XYLT1: variants seen among roughly 807,000 people sequenced by gnomAD.
XYLT1 encodes the protein xylosyltransferase 1.
In XYLT1, 36 loss-of-function variants were observed where a neutral mutation model predicts 91.3. That is an observed-to-expected ratio of 0.39 (90% CI 0.30 to 0.52). The LOEUF (loss-of-function observed/expected upper bound fraction) is 0.52, where lower values mean the gene tolerates loss of function less well. XYLT1 is among the 20% of genes least tolerant of loss of function. The pLI is 0.68. For synonymous variants in XYLT1, 588 were observed against 532.0 expected (o/e 1.11, Z -1.45); for missense variants, 1,242 against 1,284.5 (o/e 0.97, Z 0.51).
chr16:17,434,639 T>C (rs1204072289), intron 1 of XYLT1, among the ~76,000 whole-genome samples: 1 of 152,098 alleles, frequency 6.6e-6, no homozygotes, highest in Non-Finnish European at 1.5e-5. Flanking sequence ...GAAGGATCAC[T>C]TGAGGCCAGG....
chr16:17,123,952 C>T (rs1439581468), intron 10 of XYLT1, among the ~76,000 whole-genome samples: 2 of 152,148 alleles, frequency 1.3e-5, no homozygotes, highest in East Asian at 3.8e-4. Flanking sequence ...AGAATTGCTA[C>T]TCCTGCTCAC....
At chr16:17,315,193 C>T (rs925202127) in intron 2 of XYLT1, among the ~76,000 whole-genome samples, 2 of 152,230 alleles carry the variant, frequency 1.3e-5, no homozygotes, top group Non-Finnish European at 2.9e-5. Flanking sequence ...CTAGGACTGA[C>T]TTACAAAGCT....
rs773224636 is a variant in XYLT1, at chr16:17,259,285, G to A, written c.616C>T (p.His206Tyr). The change falls in exon 3 of 12, where the codon CAT (histidine) becomes TAT (tyrosine). Residue 206 changes from histidine to tyrosine, a missense_variant. His to Tyr is a moderately conservative substitution (Grantham distance 83). Around this residue, in one of 3 missense-constraint regions of XYLT1, gnomAD observed 437 missense variants for 411.5 expected, o/e 1.06. Transcript: ENST00000261381. ...KLEQQEKGKG[H>Y]TFPGKGPGEV... ...CCGGGGCCTTTCCCAGGGAATGTAT[G>A]TCCTTTTCCTTTCTCCTGCTGTTCC... 5.0e-6 allele frequency: 8 copies of A among 1,613,982 alleles called. No homozygotes were observed. The highest frequency in any genetic ancestry group is 6.8e-6 in the Non-Finnish European group (8 of 1,180,022).
chr16:17,109,746 C>G (rs554711763), intron 11 of XYLT1, among the ~76,000 whole-genome samples: 1 of 152,198 alleles, frequency 6.6e-6, no homozygotes, highest in African/African-American at 2.4e-5. Flanking sequence ...GAAAATATAT[C>G]TAGCCCTTTA....
Position 17,265,615 on chromosome 16 carries a change from G to T in XYLT1, c.403-6117C>A, listed in dbSNP as rs148299230. 5.6e-3 allele frequency among the ~76,000 whole-genome samples: 853 copies of T among 152,264 alleles called. 6 individuals carry two copies. The Middle Eastern group carries it at 0.058, about 10-fold the overall frequency. On this transcript the variant is annotated intron_variant, in intron 2 of 11. Coordinates refer to ENST00000261381, the MANE Select transcript of XYLT1 (RefSeq NM_022166.4). ...TGGAGAAATAATTAAATGCAATAAT[G>T]TCCTCCATTCCCATTCAACCTTGGG...
At chr16:17,179,241 G>A (rs2032012411) in intron 5 of XYLT1, among the ~76,000 whole-genome samples, 1 of 152,108 alleles carries the variant, frequency 6.6e-6, no homozygotes, top group Admixed American at 6.5e-5. Flanking sequence ...CCTTGAGGAG[G>A]CAGGGAGGGT....
intron 1 of XYLT1, among the ~76,000 whole-genome samples, chr16:17,362,880 A>C (rs2035402849): frequency 6.6e-6 from 1 of 152,246 alleles, no homozygotes; most frequent in Non-Finnish European, 1.5e-5. Context: ...CGTGAAGCCC[A>C]CCAAATCAAC....
At chr16:17,173,554 A>T (rs934519991) in intron 5 of XYLT1, among the ~76,000 whole-genome samples, 5 of 152,266 alleles carry the variant, frequency 3.3e-5, no homozygotes, top group Non-Finnish European at 7.3e-5. Flanking sequence ...GGCTAGCGCC[A>T]TGTCTGGCAT....
At position 17,108,770 on chromosome 16, in the gene XYLT1, C is replaced by G. The variant is rs1966813047; in HGVS notation, c.2805G>C (p.Gln935His). The change falls in exon 12 of 12, where the codon CAG becomes CAC. Residue 935 changes from glutamine (Q) to histidine (H), a missense_variant. This residue lies in a region of XYLT1 where 511 missense variants were observed against 497.0 expected (regional missense o/e 1.03). Transcript: ENST00000261381. ...CAGGGCTGAAGGAGCTCCAGGCCGT[C>G]TGGCTGCAGGTCTGCATGACCGGGC... ...TACPVMQTCSQTAWSSFSPDP... is the reference protein window; with the variant it reads ...TACPVMQTCSHTAWSSFSPDP... 6.2e-7 allele frequency: 1 copy of G among 1,609,260 alleles called. No homozygotes were observed. The highest frequency in any genetic ancestry group is 8.5e-7 in the Non-Finnish European group (1 of 1,179,300).
chr16:17,220,193 T>C (rs1214550456), intron 3 of XYLT1, among the ~76,000 whole-genome samples: 1 of 152,192 alleles, frequency 6.6e-6, no homozygotes, highest in Non-Finnish European at 1.5e-5. Context: ...ACACATGTAA[T>C]GTTAATTTCA....
At chr16:17,112,999 C>T (rs1391743334) in intron 11 of XYLT1, among the ~76,000 whole-genome samples, 1 of 151,634 alleles carries the variant, frequency 6.6e-6, no homozygotes, top group Non-Finnish European at 1.5e-5. Flanking sequence ...GTCACCACAC[C>T]CGGCTAATTT....
intron 8 of XYLT1, chr16:17,137,522 G>A (rs1597145114): frequency 6.6e-6 from 1 of 152,316 alleles, no homozygotes; most frequent in African/African-American, 2.4e-5. Context: ...CTAGGTGTGG[G>A]GAGGGCTGGA....
chr16:17,384,368 C>T (rs2035721229), intron 1 of XYLT1, among the ~76,000 whole-genome samples: 2 of 151,712 alleles, frequency 1.3e-5, no homozygotes, highest in African/African-American at 2.4e-5. Flanking sequence ...TGGCCAGACC[C>T]GGTTTTCAGG....
At position 17,115,312 on chromosome 16, in the gene XYLT1, TAA is replaced by T. The variant is rs869095502; in HGVS notation, c.2557+2332_2557+2333del. Among the ~76,000 whole-genome samples, 317 of 48,834 alleles carry T rather than the reference TAA, an allele frequency of 6.5e-3. 5 individuals carry two copies. The highest frequency in any genetic ancestry group is 0.017 in the African/African-American group (258 of 14,916). The allele number at this position is 48,834 out of a possible 152,430, so 32.0% of individuals were successfully genotyped here. On this transcript the variant is annotated intron_variant, in intron 11 of 11. Transcript: ENST00000261381. ...CAGACCACACAACCACAAAAATAGT[TAA>T]AAAAAAAAAAAAAAAAAAAAAAAGC...
chr16:17,376,405 AC>A (rs1421104100), intron 1 of XYLT1, among the ~76,000 whole-genome samples: 2 of 152,080 alleles, frequency 1.3e-5, no homozygotes, highest in Non-Finnish European at 2.9e-5. Context: ...GTCCTTCCAG[AC>A]CCTTCCTCAG....
intron 5 of XYLT1, among the ~76,000 whole-genome samples, chr16:17,161,353 C>A (rs2031545733): frequency 6.6e-6 from 1 of 152,166 alleles, no homozygotes; most frequent in African/African-American, 2.4e-5. Context: ...TTGGGCAAAG[C>A]CGCCTTTCAA....
At chr16:17,275,359 G>T (rs949637975) in intron 2 of XYLT1, among the ~76,000 whole-genome samples, 1 of 152,132 alleles carries the variant, frequency 6.6e-6, no homozygotes. Context: ...TAACAACTAC[G>T]CTTGGCTCAG....
At chr16:17,314,055 A>C (rs2034589876) in intron 2 of XYLT1, among the ~76,000 whole-genome samples, 1 of 152,162 alleles carries the variant, frequency 6.6e-6, no homozygotes, top group African/African-American at 2.4e-5. Flanking sequence ...AGAACATTAG[A>C]ACTCAATTGT....
intron 2 of XYLT1, 25 bp downstream of exon 2, chr16:17,357,987 T>C: frequency 1.2e-6 from 2 of 1,612,410 alleles, no homozygotes; most frequent in Non-Finnish European, 1.7e-6. Context: ...CTGAGATAAG[T>C]GGCCAAGACA....
Sources: gnomAD v4.1 joint callset for allele counts (sites outside exome capture counted in the v4.1 genomes callset) on GRCh38, gnomAD v4.1.1 for gene constraint, gnomAD v4.1.1 regional missense constraint, MANE v1.5 for transcripts, NCBI Gene and HGNC (gene_info 2026-07-23, HGNC 2026-07-21) for gene names.